CDADC1: variants seen among roughly 807,000 people sequenced by gnomAD.
The protein encoded by CDADC1 is dCTP deaminase.
In CDADC1, 39 loss-of-function variants were observed where a neutral mutation model predicts 54.9. That is an observed-to-expected ratio of 0.71 (90% CI 0.55 to 0.93). The LOEUF (loss-of-function observed/expected upper bound fraction) is 0.93. Ranked by LOEUF, CDADC1 falls within the 40% of genes least tolerant of loss-of-function variation. CDADC1 has a pLI of 0.00. For synonymous variants in CDADC1, 186 were observed against 204.0 expected (o/e 0.91, Z 0.75); for missense variants, 518 against 618.8 (o/e 0.84, Z 1.73).
At chr13:49,252,584 G>A (rs1173860120) in intron 2 of CDADC1, among the ~76,000 whole-genome samples, 1 of 152,172 alleles carries the variant, frequency 6.6e-6, no homozygotes, top group Non-Finnish European at 1.5e-5. Flanking sequence ...TAGTGTGGGG[G>A]AAGAATACAG....
intron 2 of CDADC1, among the ~76,000 whole-genome samples, chr13:49,255,168 C>A (rs1226168148): frequency 6.6e-6 from 1 of 152,202 alleles, no homozygotes; most frequent in Non-Finnish European, 1.5e-5. Flanking sequence ...GGCTCATGGG[C>A]CCCTTCCATC....
intron 2 of CDADC1, among the ~76,000 whole-genome samples, chr13:49,251,752 TA>T (rs1184002960): frequency 2.0e-5 from 3 of 151,888 alleles, no homozygotes; most frequent in Admixed American, 6.6e-5. Context: ...AGCATTTTGT[TA>T]AAAAAAATAC....
In CDADC1 at chr13:49,285,455, G is replaced by A. The variant is rs572472546; in HGVS notation, c.1411-767G>A. 5.3e-5 allele frequency among the ~76,000 whole-genome samples: 8 copies of A among 152,198 alleles called. No individual in the cohort carries two copies. The South Asian group carries it at 1.5e-3, about 28-fold the overall frequency. On this transcript the variant is annotated intron_variant, in intron 8 of 9. Transcript: ENST00000251108. ...CTCCCAAAGTGCTGGGATTACAGGC[G>A]TGAGCCACTGTGCATGGCCTATCTT...
rs779068056 is a variant in CDADC1, at chr13:49,287,972, T to TAA, written c.1471+1707_1471+1708dup. 1.5e-3 allele frequency among the ~76,000 whole-genome samples: 191 copies of TAA among 127,170 alleles called. 1 individual carries two copies. Among genetic ancestry groups the TAA allele is most frequent in the African/African-American group, 4.4e-3 (153 of 34,496 alleles). 83.4% of individuals were successfully genotyped at this position (127,170 alleles called of 152,430 possible). A position where few individuals can be genotyped will look rare whatever the true frequency, so the allele number is the denominator to read the frequency against. On this transcript the variant is annotated intron_variant, in intron 9 of 9. Transcript: ENST00000251108. ...TTGGCAACAGAGTGAGACCCTGCCT[T>TAA]AAAAAAAAAAAAAAAAAAGATATCA...
At chr13:49,262,471 C>T (rs1171227955) in intron 4 of CDADC1, among the ~76,000 whole-genome samples, 1 of 152,046 alleles carries the variant, frequency 6.6e-6, no homozygotes, top group African/African-American at 2.4e-5. Context: ...AAAAACACTA[C>T]ATTCATACTA....
intron 4 of CDADC1, among the ~76,000 whole-genome samples, chr13:49,263,145 A>G (rs1400894046): frequency 3.9e-5 from 6 of 152,200 alleles, no homozygotes; most frequent in East Asian, 1.9e-4. Context: ...TGAACTGACA[A>G]TGGTTAGTTA....
chr13:49,256,078 T>TTA (rs1555310737), intron 3 of CDADC1, among the ~76,000 whole-genome samples, 165 bp downstream of exon 3: 9 of 149,962 alleles, frequency 6.0e-5, no homozygotes, highest in Non-Finnish European at 1.2e-4. Flanking sequence ...TCCTTTTTTT[T>TTA]AAAAAAAAAA....
intron 3 of CDADC1, among the ~76,000 whole-genome samples, 164 bp downstream of exon 3, chr13:49,256,077 T>TAA (rs139661446): frequency 0.011 from 1,539 of 139,380 alleles, 21 homozygotes; most frequent in African/African-American, 0.035. Flanking sequence ...CTCCTTTTTT[T>TAA]TAAAAAAAAA....
rs760032634 is a variant in CDADC1, at chr13:49,267,716, A to G, written c.657A>G (p.Thr219=). ...KCDFIQKITK[T]LPDANTDFYY... ...ACTTTATTCAAAAAATTACAAAAACATTGCCGGATGCTAACACTGACTTTT... is the reference window on the plus strand; with the variant it reads ...ACTTTATTCAAAAAATTACAAAAACGTTGCCGGATGCTAACACTGACTTTT... The change falls in exon 5 of 10, where the codon ACA becomes ACG. Residue 219 remains threonine (T), a synonymous_variant. Coordinates refer to ENST00000251108, the MANE Select transcript of CDADC1 (RefSeq NM_030911.4). The G allele has an allele frequency of 1.9e-6, 3 of 1,612,412 alleles. No individual in the cohort carries two copies. Among genetic ancestry groups the G allele is most frequent in the East Asian group, 2.2e-5 (1 of 44,866 alleles).
In CDADC1 at chr13:49,292,194, A is replaced by C; in HGVS notation, c.*437A>C. 1.0e-6 allele frequency: 1 copy of C among 997,652 alleles called. No individual in the cohort carries two copies. The highest frequency in any genetic ancestry group is 4.3e-5 in the South Asian group (1 of 23,272). The allele number at this position is 997,652 out of a possible 1,614,324, so 61.8% of individuals were successfully genotyped here. A position where few individuals can be genotyped will look rare whatever the true frequency, so the allele number is the denominator to read the frequency against. ...TCCAGGGAAATAAGTGTCATCTTTT[A>C]AGAGTCAGTGTATAGCAAACCAAAA... is the stretch of plus-strand genomic sequence containing the variant. On this transcript the variant is annotated 3_prime_UTR_variant, in exon 10 of 10. Transcript: ENST00000251108.
chr13:49,292,790 T>C lies in CDADC1; in HGVS notation c.*1033T>C. Reference sequence around the variant, plus strand: ...TGTTCTCTCCTAGGTTAGAGAGGGGTGGCCTGGGGTGCTTCATGAGAAATG... The same window carrying C: ...TGTTCTCTCCTAGGTTAGAGAGGGGCGGCCTGGGGTGCTTCATGAGAAATG... On this transcript the variant is annotated 3_prime_UTR_variant, in exon 10 of 10. Transcript: ENST00000251108. 7.8e-7 allele frequency: 1 copy of C among 1,282,166 alleles called. No homozygotes were observed. Among genetic ancestry groups the C allele is most frequent in the Non-Finnish European group, 1.0e-6 (1 of 985,608 alleles). 79.4% of individuals were successfully genotyped at this position (1,282,166 alleles called of 1,614,324 possible). A position where few individuals can be genotyped will look rare whatever the true frequency, so the allele number is the denominator to read the frequency against.
intron 4 of CDADC1, among the ~76,000 whole-genome samples, chr13:49,260,690 TA>T (rs1422514899): frequency 6.6e-6 from 1 of 152,224 alleles, no homozygotes; most frequent in African/African-American, 2.4e-5. Flanking sequence ...TTCTTTCATT[TA>T]AAAAATATGC....
chr13:49,266,232 A>C (rs1051508484), intron 4 of CDADC1, among the ~76,000 whole-genome samples: 1 of 152,204 alleles, frequency 6.6e-6, no homozygotes, highest in Non-Finnish European at 1.5e-5. Flanking sequence ...TCTCTTTGTT[A>C]TAAACTGTTC....
intron 4 of CDADC1, among the ~76,000 whole-genome samples, chr13:49,264,367 ATCT>A (rs1952761801): frequency 6.6e-6 from 1 of 152,092 alleles, no homozygotes; most frequent in Non-Finnish European, 1.5e-5. Flanking sequence ...ACACATGTAA[ATCT>A]TCTGCAGAGC....
chr13:49,254,178 G>C (rs1018429902), intron 2 of CDADC1, among the ~76,000 whole-genome samples: 1 of 152,046 alleles, frequency 6.6e-6, no homozygotes, highest in African/African-American at 2.4e-5. Flanking sequence ...ACCACTACTA[G>C]CACCCACATC....
At chr13:49,289,951 T>C (rs1474334149) in intron 9 of CDADC1, among the ~76,000 whole-genome samples, 1 of 151,990 alleles carries the variant, frequency 6.6e-6, no homozygotes, top group Non-Finnish European at 1.5e-5. Flanking sequence ...GAGGCTGACA[T>C]AGGAGGATCA....
At chr13:49,275,718 TATATATATAGAGAG>T (rs1953100791) in intron 6 of CDADC1, among the ~76,000 whole-genome samples, 10 of 38,906 alleles carry the variant, frequency 2.6e-4, no homozygotes, top group Admixed American at 7.6e-4. Context: ...TATATATATA[TATATATATAGAGAG>T]AGAGAGAGAG....
intron 9 of CDADC1, among the ~76,000 whole-genome samples, chr13:49,289,505 T>G (rs971881612): frequency 4.6e-5 from 7 of 152,194 alleles, no homozygotes; most frequent in Non-Finnish European, 1.0e-4. Context: ...ACAAAGAATT[T>G]GTTGCTATAT....
chr13:49,248,744 C>T, intron 1 of CDADC1, 127 bp from the exon 2 acceptor site: 3 of 692,708 alleles, frequency 4.3e-6, no homozygotes, highest in Non-Finnish European at 7.9e-6. Context: ...TCTCTTGTCC[C>T]CTATCTTTTT....
Sources: allele counts gnomAD v4.1 joint callset (sites outside exome capture counted in the v4.1 genomes callset), GRCh38; gene constraint gnomAD v4.1.1; transcripts MANE v1.5; gene names NCBI Gene and HGNC (gene_info 2026-07-23, HGNC 2026-07-21).